Variants in GIMAP6 observed in about 807,000 individuals in gnomAD.
GIMAP6 encodes GTPase, IMAP family member 6.
Under a neutral mutation model 9.3 loss-of-function variants are expected in GIMAP6, and 6 were observed. The ratio of observed to expected loss-of-function variants is 0.65; its 90% CI spans 0.35 to 1.27. The LOEUF (loss-of-function observed/expected upper bound fraction) is 1.27, where lower values mean the gene tolerates loss of function less well. Ranked by LOEUF, GIMAP6 falls within the 50% of genes most tolerant of loss-of-function variation. GIMAP6 has a pLI of 0.03. For synonymous variants in GIMAP6, 156 were observed against 151.1 expected, an observed-to-expected ratio of 1.03 and a Z score of -0.24; for missense variants, 333 against 359.5, an observed-to-expected ratio of 0.93 and a Z score of 0.60.
rs1359508094 is a variant in GIMAP6 at position 150,627,675 on chromosome 7, G to C, written c.*44C>G. On this transcript the variant is annotated 3_prime_UTR_variant, in exon 3 of 3. Transcript: ENST00000328902. ...AGAAACAGAGGGCTGGACACAGGGG[G>C]GTGCAAAGGCTGATGGTGTCCTTGG... The C allele has an allele frequency of 6.2e-7, 1 of 1,609,720 alleles. No homozygotes were observed. The highest frequency in any genetic ancestry group is 1.7e-5 in the Admixed American group (1 of 59,912).
rs149739807 is a variant in GIMAP6 at position 150,628,065 on chromosome 7, C to T, written c.533G>A (p.Arg178Gln). The change falls in exon 3 of 3, where the codon CGA (arginine) becomes CAA (glutamine). Residue 178 changes from arginine to glutamine, a missense_variant. Physicochemically the swap from Arg to Gln is conservative, Grantham distance 43. Transcript: ENST00000328902. ...GGCAAGGGCCTGGTTGTTGGTCTCT[C>T]GCACATAGTCTTCCAGGGAGCCGCC... ...LAGGSLEDYV[R>Q]ETNNQALAWL... 7.7e-5 allele frequency: 124 copies of T among 1,614,190 alleles called. No homozygotes were observed. Among genetic ancestry groups the T allele is most frequent in the East Asian group, 5.8e-4 (26 of 44,880 alleles).
intron 2 of GIMAP6, 117 bp from the exon 3 acceptor site, chr7:150,628,629 C>A (rs769186505): frequency 1.3e-6 from 2 of 1,591,850 alleles, no homozygotes; most frequent in Non-Finnish European, 1.7e-6. Flanking sequence ...TGTAAAAGAC[C>A]AACATCTGCC....
At chr7:150,629,935 G>T (rs761698232) in intron 2 of GIMAP6, 123 bp downstream of exon 2, 15 of 715,500 alleles carry the variant, frequency 2.1e-5, no homozygotes, top group Non-Finnish European at 3.1e-5. Flanking sequence ...GGTGGCTGAG[G>T]CGGGTAAATT....
In GIMAP6 at chr7:150,627,909, T is replaced by C; in HGVS notation, c.689A>G (p.Tyr230Cys). The C allele has an allele frequency of 6.2e-7, 1 of 1,614,250 alleles. No individual in the cohort carries two copies. Among genetic ancestry groups the C allele is most frequent in the Non-Finnish European group, 8.5e-7 (1 of 1,180,042 alleles). ...ATATTGGTAAGCCTTGTTGCTGTAA[T>C]AATCTCCTTCGTTTTCCCACATAAT... ...EAIMWENEGD[Y>C]YSNKAYQYTQ... Residue 230 changes from tyrosine (Y) to cysteine (C), a missense_variant, in exon 3 of 3, where the codon TAT (tyrosine) becomes TGT (cysteine). By Grantham distance (194) the Tyr-to-Cys change is radical. Transcript: ENST00000328902.
intron 1 of GIMAP6, among the ~76,000 whole-genome samples, chr7:150,630,481 G>T (rs1796373156): frequency 6.6e-6 from 1 of 152,158 alleles, no homozygotes; most frequent in African/African-American, 2.4e-5. Context: ...TCTGGGAGGT[G>T]GGGGGAGGTG....
intron 2 of GIMAP6, among the ~76,000 whole-genome samples, chr7:150,629,530 C>T (rs771033845): frequency 2.0e-4 from 30 of 152,140 alleles, no homozygotes; most frequent in Non-Finnish European, 3.2e-4. Flanking sequence ...GAAAGTTAAG[C>T]GCCTGACCCT....
In GIMAP6 at chr7:150,627,409, G is replaced by T. The variant is rs200467911; in HGVS notation, c.*310C>A. 101 of 426,302 alleles carry T rather than the reference G, an allele frequency of 2.4e-4. No individual in the cohort carries two copies. The highest frequency in any genetic ancestry group is 1.9e-3 in the African/African-American group (94 of 49,878). The allele number at this position is 426,302 out of a possible 1,614,324, so 26.4% of individuals were successfully genotyped here. ...TACAGGCCTGCCCTCAAGAAACTTT[G>T]GTTCTATCAGAGTATAGACAAGTAA... On this transcript the variant is annotated 3_prime_UTR_variant, in exon 3 of 3. Transcript: ENST00000328902.
At chr7:150,629,772 T>A (rs80007702) in intron 2 of GIMAP6, among the ~76,000 whole-genome samples, 2,302 of 152,298 alleles carry the variant, frequency 0.015, 57 homozygotes, top group African/African-American at 0.052. Flanking sequence ...AGGAAGAACA[T>A]CTACCATGTG....
intron 2 of GIMAP6, among the ~76,000 whole-genome samples, chr7:150,629,548 G>A (rs987628715): frequency 6.6e-6 from 1 of 152,204 alleles, no homozygotes; most frequent in South Asian, 2.1e-4. Context: ...CCTGTGCAAT[G>A]GCTTTTGGGA....
At position 150,630,065 on chromosome 7, in the gene GIMAP6, C is replaced by T. The variant is rs940559130; in HGVS notation, c.78G>A (p.Leu26=). ...TCTCCTCATTCATTTTACCTCCTGACAGCTCCAGCACAGGATCCTGGGACA... is the reference window on the plus strand; with the variant it reads ...TCTCCTCATTCATTTTACCTCCTGATAGCTCCAGCACAGGATCCTGGGACA... The part of the protein sequence containing the change: ...EELSQDPVLE[L]SGGLREKEQK... Residue 26 remains leucine (L), a synonymous_variant, in exon 2 of 3, where the codon CTG becomes CTA. Transcript: ENST00000328902. 6.3e-7 allele frequency: 1 copy of T among 1,591,730 alleles called. No individual in the cohort carries two copies. The highest frequency in any genetic ancestry group is 1.8e-5 in the Admixed American group (1 of 56,442).
At chr7:150,628,547 G>A (rs372714985) in intron 2 of GIMAP6, 35 bp from the exon 3 acceptor site, 3 of 1,607,058 alleles carry the variant, frequency 1.9e-6, no homozygotes, top group Non-Finnish European at 1.7e-6. Context: ...GGGAACTGGG[G>A]TAAGGGCCCA....
chr7:150,627,494 G>GCACA lies in GIMAP6; in HGVS notation c.*221_*224dup. The stretch of plus-strand genomic sequence containing the variant: ...AATAGGAAGACAGCGTGCTGTTGGG[G>GCACA]CACAGAGGAGGGAGGACCCAGATGT... On this transcript the variant is annotated 3_prime_UTR_variant, in exon 3 of 3. Coordinates refer to ENST00000328902, the MANE Select transcript of GIMAP6 (RefSeq NM_024711.6). 3.3e-6 allele frequency: 2 copies of GCACA among 600,806 alleles called. No individual in the cohort carries two copies. Among genetic ancestry groups the GCACA allele is most frequent in the Non-Finnish European group, 5.9e-6 (2 of 337,544 alleles). 37.2% of individuals were successfully genotyped at this position (600,806 alleles called of 1,614,324 possible).
At chr7:150,631,589 C>T (rs144859765) in intron 1 of GIMAP6, among the ~76,000 whole-genome samples, 185 of 152,322 alleles carry the variant, frequency 1.2e-3, no homozygotes, top group African/African-American at 4.1e-3. Flanking sequence ...TGGGACTAGG[C>T]TGTGGCATGC....
rs1796297442 is a variant in GIMAP6 at position 150,626,550 on chromosome 7, A to G, written c.*1169T>C. 6.6e-6 allele frequency: 1 copy of G among 152,200 alleles called. No individual in the cohort carries two copies. Among genetic ancestry groups the G allele is most frequent in the Admixed American group, 6.5e-5 (1 of 15,276 alleles). 9.4% of individuals were successfully genotyped at this position (152,200 alleles called of 1,614,324 possible). A position where few individuals can be genotyped will look rare whatever the true frequency, so the allele number is the denominator to read the frequency against. Reference sequence around the variant, plus strand: ...CTCATCCTGTCCAGTATCAGTACTTATAAACCCCGTCTGTAGGAACAGCCT... The same window carrying G: ...CTCATCCTGTCCAGTATCAGTACTTGTAAACCCCGTCTGTAGGAACAGCCT... On this transcript the variant is annotated 3_prime_UTR_variant, in exon 3 of 3. Coordinates refer to ENST00000328902, the MANE Select transcript of GIMAP6 (RefSeq NM_024711.6).
At chr7:150,628,606 TGCA>T in intron 2 of GIMAP6, 94 bp from the exon 3 acceptor site, 1 of 1,593,722 alleles carries the variant, frequency 6.3e-7, no homozygotes, top group East Asian at 2.2e-5. Context: ...ACCCCCAGAC[TGCA>T]GGGGCAGATT....
At chr7:150,630,318 G>T (rs1796371046) in intron 1 of GIMAP6, among the ~76,000 whole-genome samples, 176 bp from the exon 2 acceptor site, 1 of 152,124 alleles carries the variant, frequency 6.6e-6, no homozygotes, top group Non-Finnish European at 1.5e-5. Flanking sequence ...CTCTCTGCTG[G>T]CTTTAGGGAC....
intron 2 of GIMAP6, chr7:150,628,849 AG>A (rs1796346875): frequency 3.5e-6 from 3 of 852,524 alleles, no homozygotes; most frequent in African/African-American, 3.4e-5. Flanking sequence ...CCCAAGACCC[AG>A]AGCACATAAA....
chr7:150,630,857 AT>A (rs1034902021), intron 1 of GIMAP6, among the ~76,000 whole-genome samples: 2 of 152,182 alleles, frequency 1.3e-5, no homozygotes, highest in Non-Finnish European at 2.9e-5. Context: ...ACTTCATAAC[AT>A]TTTTTAGAGC....
Position 150,628,834 on chromosome 7 carries a change from C to T in GIMAP6, c.86-322G>A, listed in dbSNP as rs1451031264. 73 of 1,085,490 alleles carry T rather than the reference C, an allele frequency of 6.7e-5. 1 individual carries two copies. The highest frequency in any genetic ancestry group is 3.9e-4 in the South Asian group (21 of 53,214). The allele number at this position is 1,085,490 out of a possible 1,614,324, so 67.2% of individuals were successfully genotyped here. On this transcript the variant is annotated intron_variant, in intron 2 of 2. Transcript: ENST00000328902. Reference sequence around the variant, plus strand: ...AGGGAATTCCCTTCTCCTGGCCTTGCGGGTCCCAAGACCCAGAGCACATAA... The same window carrying T: ...AGGGAATTCCCTTCTCCTGGCCTTGTGGGTCCCAAGACCCAGAGCACATAA...
Sources: gnomAD v4.1 joint callset for allele counts (sites outside exome capture counted in the v4.1 genomes callset) on GRCh38, gnomAD v4.1.1 for gene constraint, MANE v1.5 for transcripts, NCBI Gene and HGNC (gene_info 2026-07-23, HGNC 2026-07-21) for gene names.